Variants in HAPLN2 observed in about 807,000 individuals in gnomAD.
HAPLN2 encodes the protein brain link protein-1.
HAPLN2 carries 27 observed loss-of-function variants against 29.3 expected under a neutral mutation model. That is an observed-to-expected ratio of 0.92 (90% confidence interval 0.68 to 1.27). The LOEUF is 1.27. Ranked by LOEUF, HAPLN2 falls within the 50% of genes most tolerant of loss-of-function variation. HAPLN2 has a pLI of 0.00. For synonymous variants in HAPLN2, 208 were observed against 211.7 expected, an observed-to-expected ratio of 0.98 and a Z score of 0.15; for missense variants, 454 against 484.3, an observed-to-expected ratio of 0.94 and a Z score of 0.59.
intron 6 of HAPLN2, 123 bp from the exon 7 acceptor site, chr1:156,624,978 A>C: frequency 2.0e-6 from 2 of 1,007,894 alleles, no homozygotes; most frequent in Non-Finnish European, 2.5e-6. Flanking sequence ...CGATCCCCCA[A>C]CTCCTCTTAC....
the HAPLN2 span, among the ~76,000 whole-genome samples, chr1:156,604,340 T>C: frequency 6.6e-6 from 1 of 151,430 alleles, no homozygotes; most frequent in Admixed American, 6.6e-5. Flanking sequence ...ATCGCCAGGC[T>C]GGAGTGCAGT....
chr1:156,623,787 C>G lies in HAPLN2; in HGVS notation c.86-20C>G. ...CAGTGAGGATTGGGGGTTCCTGCCA[C>G]TGTGGCCCCCTCTGCCCAGCATCCC... On this transcript the variant is annotated intron_variant, in intron 3 of 6. Transcript: ENST00000255039. The G allele has an allele frequency of 6.7e-7, 1 of 1,482,862 alleles. No individual in the cohort carries two copies. Among genetic ancestry groups the G allele is most frequent in the Non-Finnish European group, 8.9e-7 (1 of 1,117,584 alleles). 91.9% of individuals were successfully genotyped at this position (1,482,862 alleles called of 1,614,324 possible). A position where few individuals can be genotyped will look rare whatever the true frequency, so the allele number is the denominator to read the frequency against.
chr1:156,622,384 G>T (rs1678258021), intron 2 of HAPLN2, among the ~76,000 whole-genome samples: 1 of 151,954 alleles, frequency 6.6e-6, no homozygotes, highest in South Asian at 2.1e-4. Context: ...AGTCTGGGAG[G>T]GCGAGGCTGC....
chr1:156,625,662 G>A lies in HAPLN2; in HGVS notation c.*278G>A. 2.4e-6 allele frequency: 1 copy of A among 415,546 alleles called. No individual in the cohort carries two copies. The highest frequency in any genetic ancestry group is 4.3e-6 in the Non-Finnish European group (1 of 234,912). 25.7% of individuals were successfully genotyped at this position (415,546 alleles called of 1,614,324 possible). On this transcript the variant is annotated 3_prime_UTR_variant, in exon 7 of 7. Coordinates refer to ENST00000255039, the MANE Select transcript of HAPLN2 (RefSeq NM_021817.3). The surrounding 1 kb of genome is among the most constrained non-coding windows in gnomAD (Gnocchi z 5.7). ...AGGACTCAGCCACCGCCGGGGGGAG[G>A]GTGAGGCGGCCGGGGGCATTAACTG...
Position 156,624,125 on chromosome 1 carries a change from A to T in HAPLN2, c.404A>T (p.Glu135Val), listed in dbSNP as rs746381277. The change falls in exon 4 of 7, where the codon GAG becomes GTG. Residue 135 changes from glutamate to valine, a missense_variant. Around this residue, in one of 3 missense-constraint regions of HAPLN2, gnomAD observed 204 missense variants for 209.2 expected, o/e 0.98. Transcript: ENST00000255039. ...CGCTGCGAGCTCATCAACGGCATCG[A>T]GGACGAGAGCGTGGCGCTGACCTTG... ...RYRCELINGI[E>V]DESVALTLSL... 4 of 1,613,522 alleles carry T rather than the reference A, an allele frequency of 2.5e-6. No individual in the cohort carries two copies. In the African/African-American group the frequency reaches 5.3e-5, roughly 22 times the overall value.
upstream of HAPLN2, among the ~76,000 whole-genome samples, chr1:156,616,507 G>A (rs1395320003): frequency 3.3e-5 from 5 of 152,176 alleles, no homozygotes; most frequent in African/African-American, 7.2e-5. Flanking sequence ...CCACAGTTCA[G>A]AAGTGATTTG....
upstream of HAPLN2, among the ~76,000 whole-genome samples, chr1:156,617,493 C>T (rs937540808): frequency 4.0e-5 from 6 of 151,726 alleles, no homozygotes; most frequent in African/African-American, 7.3e-5. Context: ...GGATTACAGG[C>T]GCACACCACC....
At chr1:156,613,916 CAAAA>C in the HAPLN2 span, among the ~76,000 whole-genome samples, 3 of 115,780 alleles carry the variant, frequency 2.6e-5, no homozygotes, top group Non-Finnish European at 1.6e-5. Flanking sequence ...GATTCCTTCT[CAAAA>C]AAAAAAAAAA....
At chr1:156,611,586 CAAAA>C in the HAPLN2 span, among the ~76,000 whole-genome samples, 3 of 151,804 alleles carry the variant, frequency 2.0e-5, 1 homozygote, top group African/African-American at 7.3e-5. Context: ...AACAAAAAAA[CAAAA>C]AAACCCCTAA....
Position 156,625,534 on chromosome 1 carries a change from G to A in HAPLN2, c.*150G>A. On this transcript the variant is annotated 3_prime_UTR_variant, in exon 7 of 7. Coordinates refer to ENST00000255039, the MANE Select transcript of HAPLN2 (RefSeq NM_021817.3). This position sits in a 1 kb window ranked among gnomAD's most constrained non-coding sequence, Gnocchi z 5.7. ...TTCCCAGCCGGGGGCTGCGGGCCTCGGACCCCGGCTGGCCCGGCGGCGGGG... is the reference window on the plus strand; with the variant it reads ...TTCCCAGCCGGGGGCTGCGGGCCTCAGACCCCGGCTGGCCCGGCGGCGGGG... 1 of 795,978 alleles carries A rather than the reference G, an allele frequency of 1.3e-6. No individual in the cohort carries two copies. Among genetic ancestry groups the A allele is most frequent in the Non-Finnish European group, 1.8e-6 (1 of 555,576 alleles). 49.3% of individuals were successfully genotyped at this position (795,978 alleles called of 1,614,324 possible).
At chr1:156,603,162 G>A in the HAPLN2 span, among the ~76,000 whole-genome samples, 1 of 150,248 alleles carries the variant, frequency 6.7e-6, no homozygotes, top group East Asian at 2.0e-4. Context: ...ACATTTTGTG[G>A]AGAGACATCT....
At chr1:156,605,074 TG>T in the HAPLN2 span, among the ~76,000 whole-genome samples, 1 of 152,018 alleles carries the variant, frequency 6.6e-6, no homozygotes, top group Non-Finnish European at 1.5e-5. Context: ...GAGACCAGCC[TG>T]GCCAATATGG....
intron 6 of HAPLN2, 125 bp downstream of exon 6, chr1:156,624,908 A>AGGC: frequency 9.8e-7 from 1 of 1,017,152 alleles, no homozygotes; most frequent in Non-Finnish European, 1.4e-6. Flanking sequence ...CCCCCCCATC[A>AGGC]GCCCGCCCGC....
chr1:156,620,722 G>T (rs764573073), intron 2 of HAPLN2, among the ~76,000 whole-genome samples: 137 of 152,162 alleles, frequency 9.0e-4, no homozygotes, highest in Middle Eastern at 3.4e-3. Flanking sequence ...ACTTCTCAGG[G>T]TGCTTCCTCC....
chr1:156,625,159 G>A lies in HAPLN2; in HGVS notation c.798G>A (p.Arg266=), dbSNP rs113068798. 1 of 1,544,114 alleles carries A rather than the reference G, an allele frequency of 6.5e-7. No homozygotes were observed. Residue 266 remains arginine, a synonymous_variant, in exon 7 of 7, where the codon CGG becomes CGA. Transcript: ENST00000255039. This position sits in a 1 kb window ranked among gnomAD's most constrained non-coding sequence, Gnocchi z 5.7. ...LTLSEAHAAC[R]RRGAVVAKVG... is the part of the protein sequence containing the mutation. ...TGTCTGAAGCCCACGCGGCGTGCCG[G>A]CGACGCGGCGCCGTGGTGGCCAAGG...
upstream of HAPLN2, among the ~76,000 whole-genome samples, chr1:156,614,510 G>A (rs1044995750): frequency 6.6e-6 from 1 of 152,112 alleles, no homozygotes; most frequent in Non-Finnish European, 1.5e-5. Flanking sequence ...GTGTGAACAC[G>A]GCACCCAGCC....
chr1:156,625,262 C>A lies in HAPLN2; in HGVS notation c.901C>A (p.Arg301Ser). The A allele has an allele frequency of 1.9e-6, 3 of 1,575,312 alleles. No individual in the cohort carries two copies. The highest frequency in any genetic ancestry group is 2.6e-6 in the Non-Finnish European group (3 of 1,161,612). ...CGGCTGGCTGGCTGACGGCAGTGTG[C>A]GCTTCCCAATCACCACGCCGAGGCC... ...DGGWLADGSVRFPITTPRPRC... is the reference protein window; with the variant it reads ...DGGWLADGSVSFPITTPRPRC... The change falls in exon 7 of 7, where the codon CGC (arginine) becomes AGC (serine). Residue 301 changes from arginine to serine, a missense_variant. Physicochemically the swap from Arg to Ser is moderately radical, Grantham distance 110. Coordinates refer to ENST00000255039, the MANE Select transcript of HAPLN2 (RefSeq NM_021817.3). The surrounding 1 kb of genome is among the most constrained non-coding windows in gnomAD (Gnocchi z 5.7).
chr1:156,619,244 G>T (rs920664491), upstream of HAPLN2: 1 of 143,858 alleles, frequency 7.0e-6, no homozygotes, highest in African/African-American at 2.6e-5. Flanking sequence ...TTTTCCGGTG[G>T]TATGTGCCAG....
chr1:156,607,149 T>G, the HAPLN2 span, among the ~76,000 whole-genome samples: 1 of 152,360 alleles, frequency 6.6e-6, no homozygotes, highest in African/African-American at 2.4e-5. Context: ...ATTTTTTTCT[T>G]TAACAAGATA....
Sources: gnomAD v4.1 joint callset for allele counts (sites outside exome capture counted in the v4.1 genomes callset) on GRCh38, gnomAD v4.1.1 for gene constraint, gnomAD v4.1.1 regional missense constraint, Gnocchi (gnomAD v3.1) non-coding constraint, MANE v1.5 for transcripts, NCBI Gene and HGNC (gene_info 2026-07-23, HGNC 2026-07-21) for gene names.